The following NCOA1 variants were observed in gnomAD, a reference collection of about 807,000 sequenced individuals.
NCOA1 encodes Hin-2 protein.
A neutral mutation model predicts 150.9 loss-of-function variants in NCOA1; 35 were observed. The ratio of observed to expected loss-of-function variants is 0.23; its 90% CI spans 0.18 to 0.31. The LOEUF is 0.31. Ranked by LOEUF, NCOA1 falls within the 10% of genes least tolerant of loss-of-function variation. The pLI is 1.00. For missense variants in NCOA1, 1,491 were observed against 1,749.3 expected (o/e 0.85, Z 2.63); for synonymous variants, 590 against 630.0 (o/e 0.94, Z 0.95).
chr2:24,587,513 T>C (rs537078136), intron 3 of NCOA1, among the ~76,000 whole-genome samples: 3 of 152,216 alleles, frequency 2.0e-5, no homozygotes, highest in Non-Finnish European at 4.4e-5. Flanking sequence ...AATTTTTGTT[T>C]TGATTTTCCC....
intron 11 of NCOA1, among the ~76,000 whole-genome samples, chr2:24,704,840 T>G (rs1195888952): frequency 2.0e-5 from 3 of 152,100 alleles, no homozygotes; most frequent in African/African-American, 7.2e-5. Flanking sequence ...AATTATAACT[T>G]CTCTGAGGAG....
Position 24,707,526 on chromosome 2 carries a change from C to A in NCOA1, c.2056C>A (p.Arg686=), listed in dbSNP as rs765387326. The A allele has an allele frequency of 6.2e-7, 1 of 1,614,016 alleles. No individual in the cohort carries two copies. Among genetic ancestry groups the A allele is most frequent in the African/African-American group, 1.3e-5 (1 of 74,906 alleles). ...CPSSHSSLTE[R]HKILHRLLQE... ...CTCTTCTCATAGCTCATTGACAGAACGGCATAAAATTCTACACCGGCTCTT... is the reference window on the plus strand; with the variant it reads ...CTCTTCTCATAGCTCATTGACAGAAAGGCATAAAATTCTACACCGGCTCTT... The change falls in exon 13 of 23, where the codon CGG becomes AGG. Residue 686 remains arginine (R), a synonymous_variant. Transcript: ENST00000348332.
chr2:24,516,210 T>G (rs1260969464), intron 1 of NCOA1, among the ~76,000 whole-genome samples: 30 of 138,054 alleles, frequency 2.2e-4, no homozygotes, highest in African/African-American at 8.0e-4. Flanking sequence ...TTTTTTTTTT[T>G]GAGACGGAGC....
chr2:24,719,494 T>A (rs956304682), intron 14 of NCOA1, among the ~76,000 whole-genome samples: 1 of 152,226 alleles, frequency 6.6e-6, no homozygotes, highest in Non-Finnish European at 1.5e-5. Flanking sequence ...GAGAGTAGAA[T>A]GATTTCCAGC....
At chr2:24,552,148 A>G (rs1665853555) in intron 1 of NCOA1, among the ~76,000 whole-genome samples, 1 of 151,454 alleles carries the variant, frequency 6.6e-6, no homozygotes, top group African/African-American at 2.4e-5. Context: ...GCATTTTCAT[A>G]AAATTTTAGA....
chr2:24,736,848 C>T (rs1441979546), intron 17 of NCOA1, among the ~76,000 whole-genome samples: 1 of 152,096 alleles, frequency 6.6e-6, no homozygotes, highest in Non-Finnish European at 1.5e-5. Context: ...GCCAGATGTC[C>T]CTTGTTTGGC....
At chr2:24,606,820 G>C (rs1041444120) in intron 3 of NCOA1, among the ~76,000 whole-genome samples, 4 of 151,994 alleles carry the variant, frequency 2.6e-5, no homozygotes, top group Non-Finnish European at 5.9e-5. Context: ...TAACTTATTA[G>C]TTATTTGAAA....
intron 20 of NCOA1, among the ~76,000 whole-genome samples, chr2:24,754,443 G>A (rs902180542): frequency 1.3e-5 from 2 of 152,138 alleles, no homozygotes; most frequent in South Asian, 2.1e-4. Flanking sequence ...TCAGATGTGC[G>A]AAGTACACTG....
At chr2:24,549,917 C>T (rs540971608) in intron 1 of NCOA1, among the ~76,000 whole-genome samples, 2 of 152,250 alleles carry the variant, frequency 1.3e-5, no homozygotes, top group Non-Finnish European at 2.9e-5. Context: ...CCCAAGTCAC[C>T]TCTTGAATGT....
chr2:24,631,513 G>T (rs1413261531), intron 3 of NCOA1, among the ~76,000 whole-genome samples: 2 of 152,010 alleles, frequency 1.3e-5, no homozygotes, highest in Non-Finnish European at 2.9e-5. Context: ...CTGTCCTTTA[G>T]GCATGTAAAT....
intron 1 of NCOA1, chr2:24,554,478 A>G (rs547673556): frequency 1.3e-5 from 2 of 152,234 alleles, no homozygotes; most frequent in African/African-American, 4.8e-5. Flanking sequence ...AAAAGAGGAC[A>G]GGAGATACGG....
chr2:24,635,007 C>T (rs557202461), intron 3 of NCOA1, among the ~76,000 whole-genome samples: 1 of 152,148 alleles, frequency 6.6e-6, no homozygotes, highest in East Asian at 1.9e-4. Flanking sequence ...GTGAGGCACC[C>T]TATACCTGCC....
intron 1 of NCOA1, among the ~76,000 whole-genome samples, chr2:24,540,729 G>A (rs1485174638): frequency 6.6e-6 from 1 of 152,194 alleles, no homozygotes; most frequent in Non-Finnish European, 1.5e-5. Context: ...GAAGTGCTGG[G>A]ATTACAGGTG....
At chr2:24,711,299 T>G in intron 14 of NCOA1, 188 bp downstream of exon 14, 1 of 547,702 alleles carries the variant, frequency 1.8e-6, no homozygotes, top group East Asian at 3.4e-5. Context: ...TTTTAAATTA[T>G]GACCTCTATC....
intron 14 of NCOA1, among the ~76,000 whole-genome samples, chr2:24,713,385 G>GA (rs988657327): frequency 4.0e-5 from 6 of 149,950 alleles, no homozygotes; most frequent in African/African-American, 7.3e-5. Context: ...AACACAAATG[G>GA]AAAAAAAAAG....
chr2:24,754,820 T>C (rs1664421415), intron 20 of NCOA1, among the ~76,000 whole-genome samples: 1 of 152,200 alleles, frequency 6.6e-6, no homozygotes. Context: ...TTCATATACA[T>C]CTATCAAACA....
chr2:24,500,183 A>C (rs1663399699), intron 1 of NCOA1, among the ~76,000 whole-genome samples: 1 of 151,830 alleles, frequency 6.6e-6, no homozygotes, highest in Non-Finnish European at 1.5e-5. Context: ...ATCTCGGCTC[A>C]CTGCAACCTC....
At chr2:24,552,939 AAC>A (rs1390557025) in intron 1 of NCOA1, among the ~76,000 whole-genome samples, 2 of 152,160 alleles carry the variant, frequency 1.3e-5, no homozygotes, top group Non-Finnish European at 2.9e-5. Flanking sequence ...TGTGGAAAAA[AAC>A]AGTTTTGTTT....
chr2:24,555,259 T>C (rs1158730777), intron 1 of NCOA1, among the ~76,000 whole-genome samples: 2 of 152,262 alleles, frequency 1.3e-5, no homozygotes, highest in African/African-American at 2.4e-5. Flanking sequence ...TTTCCAACTC[T>C]TTGGTATTCT....
Sources: gnomAD v4.1 joint callset for allele counts (sites outside exome capture counted in the v4.1 genomes callset) on GRCh38, gnomAD v4.1.1 for gene constraint, MANE v1.5 for transcripts, NCBI Gene and HGNC (gene_info 2026-07-23, HGNC 2026-07-21) for gene names.